Variants in DOP1B observed in about 807,000 individuals in gnomAD.
DOP1B encodes DOP1 leucine zipper like protein B, also known as protein DOP1B.
Under a neutral mutation model 233.5 loss-of-function variants are expected in DOP1B, and 174 were observed. The observed-to-expected ratio is 0.75, with a 90% confidence interval of 0.66 to 0.85. DOP1B has a LOEUF of 0.85. DOP1B is among the 40% of genes least tolerant of loss of function. DOP1B has a pLI of 0.00. For missense variants in DOP1B, 2,652 were observed against 2,846.6 expected, an observed-to-expected ratio of 0.93 and a Z score of 1.56; for synonymous variants, 1,190 against 1,185.6, an observed-to-expected ratio of 1.00 and a Z score of -0.08.
At chr21:36,156,976 G>A (rs1348786631) in intron 1 of DOP1B, 33 bp downstream of exon 1, 1 of 152,292 alleles carries the variant, frequency 6.6e-6, no homozygotes, top group East Asian at 1.9e-4. Flanking sequence ...CCGGCGTCCA[G>A]TCCTCAGCCG....
At chr21:36,210,309 G>C (rs116867165) in intron 5 of DOP1B, among the ~76,000 whole-genome samples, 2,068 of 152,132 alleles carry the variant, frequency 0.014, 20 homozygotes, top group Non-Finnish European at 0.021. Context: ...AGGAGGTCAA[G>C]AGCAGCCGGG....
At chr21:36,281,761 G>A in intron 32 of DOP1B, 150 bp downstream of exon 32, 1 of 675,314 alleles carries the variant, frequency 1.5e-6, no homozygotes, top group Admixed American at 3.3e-5. Flanking sequence ...CCTTCTTGCT[G>A]CAACATCCTA....
At chr21:36,159,088 C>T (rs2123377263) in intron 1 of DOP1B, among the ~76,000 whole-genome samples, 1 of 152,132 alleles carries the variant, frequency 6.6e-6, no homozygotes, top group Admixed American at 6.5e-5. Context: ...GCCAAGATCA[C>T]ACCATTTTAC....
intron 30 of DOP1B, among the ~76,000 whole-genome samples, chr21:36,278,982 G>A (rs1256787329): frequency 2.0e-5 from 3 of 152,126 alleles, no homozygotes; most frequent in Non-Finnish European, 4.4e-5. Context: ...AGCCCACTGG[G>A]TGACCCTGGG....
rs766793579 is a variant in DOP1B at position 36,253,835 on chromosome 21, C to T, written c.5185C>T (p.Leu1729=). Residue 1729 remains leucine (L), a synonymous_variant, in exon 23 of 37, where the codon CTG becomes TTG. Coordinates refer to ENST00000691173, the MANE Select transcript of DOP1B (RefSeq NM_001320714.2). ...CGACTTGGTGTGTGCACTCAGCACC[C>T]TGCAGACTGACACGCTGCTGCACCT... The part of the protein sequence containing the change: ...LVDLVCALST[L]QTDTLLHLVK... The T allele has an allele frequency of 1.2e-5, 20 of 1,614,064 alleles. No individual in the cohort carries two copies. The highest frequency in any genetic ancestry group is 1.7e-5 in the Non-Finnish European group (20 of 1,180,004).
chr21:36,263,669 G>T lies in DOP1B; in HGVS notation c.5420+19G>T. 5 of 1,613,378 alleles carry T rather than the reference G, an allele frequency of 3.1e-6. No individual in the cohort carries two copies. The highest frequency in any genetic ancestry group is 4.2e-6 in the Non-Finnish European group (5 of 1,179,364). ...TTCTCAGGTATCATGTCACCACATT[G>T]TCATTGTGTAATATTTTCTCTTGGC... On this transcript the variant is annotated intron_variant, in intron 25 of 36. Coordinates refer to ENST00000691173, the MANE Select transcript of DOP1B (RefSeq NM_001320714.2).
intron 2 of DOP1B, among the ~76,000 whole-genome samples, chr21:36,189,110 C>G (rs1378880540): frequency 1.3e-5 from 2 of 152,228 alleles, no homozygotes. Flanking sequence ...GTCCTGGGGA[C>G]TGTCATACTG....
chr21:36,182,488 C>G (rs746048152), intron 2 of DOP1B, among the ~76,000 whole-genome samples: 6 of 151,750 alleles, frequency 4.0e-5, no homozygotes, highest in Non-Finnish European at 7.4e-5. Context: ...TTTTCTCATA[C>G]AAAGAGACAA....
intron 18 of DOP1B, among the ~76,000 whole-genome samples, chr21:36,241,693 C>CTTTTTTTT (rs58454212): frequency 1.5e-3 from 160 of 105,470 alleles, no homozygotes; most frequent in East Asian, 2.6e-3. Flanking sequence ...TTCTTTCTTT[C>CTTTTTTTT]TTTTTTTTTT....
At chr21:36,221,007 T>A (rs2066616962) in intron 10 of DOP1B, among the ~76,000 whole-genome samples, 1 of 151,904 alleles carries the variant, frequency 6.6e-6, no homozygotes, top group Non-Finnish European at 1.5e-5. Context: ...GACAAGGTCT[T>A]GCTATGTTGC....
intron 23 of DOP1B, among the ~76,000 whole-genome samples, chr21:36,257,756 AGGT>A (rs1464985021): frequency 2.1e-5 from 3 of 144,772 alleles, no homozygotes; most frequent in Non-Finnish European, 4.5e-5. Flanking sequence ...AGGTAGATGT[AGGT>A]AGGTAGGTAG....
At position 36,246,684 on chromosome 21, in the gene DOP1B, T is replaced by C. The variant is rs754106786; in HGVS notation, c.4697+7T>C. 13 of 1,600,182 alleles carry C rather than the reference T, an allele frequency of 8.1e-6. No individual in the cohort carries two copies. The highest frequency in any genetic ancestry group is 1.3e-5 in the African/African-American group (1 of 74,702). On this transcript the variant is annotated splice_region_variant and intron_variant, in intron 19 of 36. Coordinates refer to ENST00000691173, the MANE Select transcript of DOP1B (RefSeq NM_001320714.2). This position sits in a 1 kb window ranked among gnomAD's most constrained non-coding sequence, Gnocchi z 5.1. ...CTGTGAAGCTCTCTGTCAGGTGCGT[T>C]ACGCTCCTTGTGACATCTTTATTGC...
chr21:36,203,214 G>A (rs975401351), intron 4 of DOP1B, among the ~76,000 whole-genome samples: 2 of 152,180 alleles, frequency 1.3e-5, no homozygotes, highest in Admixed American at 1.3e-4. Flanking sequence ...AATCTATTTA[G>A]CTGTGACAGA....
At chr21:36,194,221 A>G (rs186495392) in intron 2 of DOP1B, among the ~76,000 whole-genome samples, 454 of 152,280 alleles carry the variant, frequency 3.0e-3, no homozygotes, top group Non-Finnish European at 5.0e-3. Context: ...CTGTGTGACG[A>G]CAGCTCCAAG....
chr21:36,289,424 GGTGTGTGT>G (rs59907412), intron 35 of DOP1B, among the ~76,000 whole-genome samples: 1,592 of 144,972 alleles, frequency 0.011, 13 homozygotes, highest in Non-Finnish European at 0.016. Context: ...GTGTTTCTAT[GGTGTGTGT>G]GTGTGTGTGT....
intron 18 of DOP1B, among the ~76,000 whole-genome samples, chr21:36,242,934 G>A (rs1166041816): frequency 1.3e-5 from 2 of 148,864 alleles, no homozygotes; most frequent in Non-Finnish European, 1.5e-5. Flanking sequence ...CCTTTATCTT[G>A]TTTGATCATC....
chr21:36,222,933 C>T (rs1483847203), intron 10 of DOP1B, among the ~76,000 whole-genome samples: 1 of 152,016 alleles, frequency 6.6e-6, no homozygotes, highest in Non-Finnish European at 1.5e-5. Context: ...CAGGGTTTCA[C>T]CATGTTGGTC....
intron 32 of DOP1B, among the ~76,000 whole-genome samples, chr21:36,285,140 A>G (rs2067467670): frequency 6.6e-6 from 1 of 151,884 alleles, no homozygotes; most frequent in South Asian, 2.1e-4. Flanking sequence ...GCTCACTGCA[A>G]CCTCCGCCTC....
At chr21:36,168,486 C>T (rs2065937522) in intron 2 of DOP1B, among the ~76,000 whole-genome samples, 1 of 152,024 alleles carries the variant, frequency 6.6e-6, no homozygotes, top group Non-Finnish European at 1.5e-5. Flanking sequence ...CCACCAAAAG[C>T]AATGCGTGAG....
Sources: gnomAD v4.1 joint callset for allele counts (sites outside exome capture counted in the v4.1 genomes callset) on GRCh38, gnomAD v4.1.1 for gene constraint, Gnocchi (gnomAD v3.1) non-coding constraint, MANE v1.5 for transcripts, NCBI Gene and HGNC (gene_info 2026-07-23, HGNC 2026-07-21) for gene names.